Variants in FAM107B observed in about 807,000 individuals in gnomAD.
FAM107B encodes the protein family with sequence similarity 107 member B, also known as protein FAM107B.
Under a neutral mutation model 31.5 loss-of-function variants are expected in FAM107B, and 21 were observed. That is an observed-to-expected ratio of 0.67 (90% CI 0.47 to 0.96). FAM107B has a LOEUF of 0.96. Ranked by LOEUF, FAM107B falls within the 40% of genes least tolerant of loss-of-function variation. The pLI, the probability that FAM107B is intolerant of heterozygous loss-of-function variation, is 0.00. For synonymous variants in FAM107B, 157 were observed against 141.5 expected (o/e 1.11, Z -0.78); for missense variants, 452 against 377.1 (o/e 1.20, Z -1.64).
At chr10:14,536,775 C>T (rs1317350431) in intron 2 of FAM107B, among the ~76,000 whole-genome samples, 3 of 152,140 alleles carry the variant, frequency 2.0e-5, no homozygotes, top group Non-Finnish European at 4.4e-5. Flanking sequence ...TCATACTCTG[C>T]CAAGCTCCAC....
chr10:14,534,113 G>A (rs1196430986), intron 2 of FAM107B, among the ~76,000 whole-genome samples: 2 of 152,148 alleles, frequency 1.3e-5, no homozygotes, highest in Non-Finnish European at 2.9e-5. Context: ...CTTCACAACT[G>A]GAGCTGGAAA....
intron 1 of FAM107B, among the ~76,000 whole-genome samples, chr10:14,755,424 C>T (rs1414707168): frequency 1.3e-5 from 2 of 151,526 alleles, no homozygotes; most frequent in Non-Finnish European, 2.9e-5. Flanking sequence ...GCCTGTAATC[C>T]CAGCTACTCA....
intron 1 of FAM107B, among the ~76,000 whole-genome samples, chr10:14,722,490 T>G (rs911258244): frequency 1.3e-5 from 2 of 152,212 alleles, no homozygotes; most frequent in South Asian, 2.1e-4. Context: ...ATTTGTTATT[T>G]ATCTGTCTTT....
intron 2 of FAM107B, among the ~76,000 whole-genome samples, chr10:14,640,883 A>T (rs1440842951): frequency 1.3e-5 from 2 of 152,066 alleles, no homozygotes; most frequent in African/African-American, 4.8e-5. Flanking sequence ...CAATTCTCAC[A>T]TTTTCCCCTT....
At chr10:14,597,112 T>C (rs963570003) in intron 2 of FAM107B, among the ~76,000 whole-genome samples, 3 of 152,202 alleles carry the variant, frequency 2.0e-5, no homozygotes, top group African/African-American at 2.4e-5. Context: ...TGACCAGTTT[T>C]ATGTGTTTCA....
intron 1 of FAM107B, among the ~76,000 whole-genome samples, chr10:14,770,778 CAT>C (rs1340922499): frequency 6.6e-6 from 1 of 152,094 alleles, no homozygotes; most frequent in Non-Finnish European, 1.5e-5. Context: ...TCAATACAGA[CAT>C]GTGCGCTCAT....
intron 1 of FAM107B, among the ~76,000 whole-genome samples, chr10:14,742,281 TC>T (rs1856457988): frequency 1.5e-5 from 2 of 136,770 alleles, no homozygotes; most frequent in Middle Eastern, 3.5e-3. Flanking sequence ...CACACCCAGC[TC>T]ATTTTTTTTT....
chr10:14,553,423 A>T, intron 2 of FAM107B: 1 of 1,160,578 alleles, frequency 8.6e-7, no homozygotes, highest in Non-Finnish European at 1.1e-6. Flanking sequence ...TCAGTTAACA[A>T]GTTTCTTAAT....
At chr10:14,578,807 T>C (rs986182864) in intron 2 of FAM107B, among the ~76,000 whole-genome samples, 3 of 152,210 alleles carry the variant, frequency 2.0e-5, no homozygotes, top group Non-Finnish European at 4.4e-5. Context: ...TGGCAAATCA[T>C]TGTTGGGAAC....
chr10:14,559,729 G>A (rs574994364), intron 2 of FAM107B, among the ~76,000 whole-genome samples: 178 of 127,924 alleles, frequency 1.4e-3, no homozygotes, highest in Non-Finnish European at 2.3e-3. Flanking sequence ...CAGCCACCGC[G>A]CCTGGCTAAT....
chr10:14,580,535 C>T (rs1256955391), intron 2 of FAM107B, among the ~76,000 whole-genome samples: 1 of 151,880 alleles, frequency 6.6e-6, no homozygotes, highest in Non-Finnish European at 1.5e-5. Context: ...AATAAGTATC[C>T]ATCTTCTCAA....
At chr10:14,722,113 A>C (rs1855925603) in intron 1 of FAM107B, among the ~76,000 whole-genome samples, 1 of 152,210 alleles carries the variant, frequency 6.6e-6, no homozygotes, top group African/African-American at 2.4e-5. Context: ...TAGTCACAAA[A>C]TTGTGCAAAC....
intron 2 of FAM107B, among the ~76,000 whole-genome samples, chr10:14,636,639 C>CA (rs1056948514): frequency 2.4e-4 from 36 of 150,818 alleles, no homozygotes; most frequent in African/African-American, 8.3e-4. Context: ...GGTCCATCTC[C>CA]AAACACAGTT....
intron 1 of FAM107B, among the ~76,000 whole-genome samples, chr10:14,694,131 A>C (rs1855210839): frequency 6.6e-6 from 1 of 152,196 alleles, no homozygotes; most frequent in African/African-American, 2.4e-5. Context: ...ATGGACACTT[A>C]GGTTGTTTCC....
intron 2 of FAM107B, chr10:14,542,465 T>C (rs1848305610): frequency 1.3e-5 from 2 of 152,144 alleles, no homozygotes; most frequent in African/African-American, 2.4e-5. Flanking sequence ...TTTGAAGTTG[T>C]CTTCTTTCTC....
intron 1 of FAM107B, among the ~76,000 whole-genome samples, chr10:14,713,152 G>A (rs1490759144): frequency 6.6e-6 from 1 of 152,134 alleles, no homozygotes; most frequent in Non-Finnish European, 1.5e-5. Context: ...TTGCTGTAAT[G>A]GAGGATAATG....
intron 2 of FAM107B, among the ~76,000 whole-genome samples, chr10:14,564,577 A>G (rs1044507063): frequency 6.6e-6 from 1 of 152,024 alleles, no homozygotes; most frequent in Non-Finnish European, 1.5e-5. Context: ...GATTCAGATG[A>G]CAGTATCTGA....
At chr10:14,582,367 TTTC>T (rs1423790718) in intron 2 of FAM107B, among the ~76,000 whole-genome samples, 5 of 111,012 alleles carry the variant, frequency 4.5e-5, no homozygotes, top group African/African-American at 9.6e-5. Flanking sequence ...GTTTTTGTTT[TTTC>T]TTTTCTTTTT....
At chr10:14,576,487 A>G (rs530624381) in intron 2 of FAM107B, among the ~76,000 whole-genome samples, 62 of 152,208 alleles carry the variant, frequency 4.1e-4, no homozygotes, top group Admixed American at 1.4e-3. Flanking sequence ...AGATCACGCA[A>G]TTGCACTCCA....
Sources: allele counts gnomAD v4.1 joint callset (sites outside exome capture counted in the v4.1 genomes callset), GRCh38; gene constraint gnomAD v4.1.1; transcripts MANE v1.5; gene names NCBI Gene and HGNC (gene_info 2026-07-23, HGNC 2026-07-21).